The following TJP1 variants were observed in gnomAD, a reference collection of about 807,000 sequenced individuals.
TJP1 encodes the protein tight junction protein 1, also known as tight junction protein ZO-1.
In TJP1, 43 loss-of-function variants were observed where a neutral mutation model predicts 194.2. The ratio of observed to expected loss-of-function variants is 0.22; its 90% CI spans 0.17 to 0.29. TJP1 has a LOEUF of 0.29. TJP1 is among the 10% of genes least tolerant of loss of function. The pLI is 1.00. For synonymous variants in TJP1, 801 were observed against 779.0 expected (o/e 1.03, Z -0.47); for missense variants, 1,971 against 2,185.7 (o/e 0.90, Z 1.96).
chr15:29,908,274 G>A (rs1276777701), intron 2 of TJP1, among the ~76,000 whole-genome samples: 1 of 152,056 alleles, frequency 6.6e-6, no homozygotes, highest in African/African-American at 2.4e-5. Context: ...ATAAAGAGAA[G>A]AGCCTAAAAG....
intron 2 of TJP1, among the ~76,000 whole-genome samples, chr15:29,929,011 G>T (rs2054617680): frequency 6.6e-6 from 1 of 151,840 alleles, no homozygotes; most frequent in Admixed American, 6.6e-5. Flanking sequence ...GAGAGAAGCT[G>T]AATAACAACC....
In TJP1 at chr15:29,819,404, A is replaced by C. The variant is rs150418776; in HGVS notation, c.27+2598T>G. ...ATTTCTTCACCAAAAAGTAGAGATA[A>C]TAGTTCACTTCATAGGGTTACTGTG... On this transcript the variant is annotated intron_variant, in intron 1 of 27. Coordinates refer to ENST00000614355, the MANE Select transcript of TJP1 (RefSeq NM_001330239.4). Among the ~76,000 whole-genome samples, 230 of 152,332 alleles carry C rather than the reference A, an allele frequency of 1.5e-3. 1 individual carries two copies. The highest frequency in any genetic ancestry group is 5.4e-3 in the African/African-American group (226 of 41,576).
At chr15:29,812,470 T>G (rs559611330) in intron 1 of TJP1, among the ~76,000 whole-genome samples, 120 of 152,318 alleles carry the variant, frequency 7.9e-4, no homozygotes, top group Middle Eastern at 3.4e-3. Context: ...AACAATCAGC[T>G]GGGGCTGAGC....
chr15:29,915,641 C>T lies in TJP1; in HGVS notation c.306+40591G>A, dbSNP rs116759847. Among the ~76,000 whole-genome samples, 1,166 of 152,268 alleles carry T rather than the reference C, an allele frequency of 7.7e-3. 15 individuals carry two copies. The highest frequency in any genetic ancestry group is 0.027 in the African/African-American group (1,107 of 41,546). On this transcript the variant is annotated intron_variant, in intron 2 of 28. Transcript: ENST00000356107. The stretch of plus-strand genomic sequence containing the variant: ...GTTTGCCCAGTAAGATTTCATACAA[C>T]CTAGAAAAGAATTTAGAGCCTGAAT...
In TJP1 at chr15:29,773,239, T is replaced by C; in HGVS notation, c.203A>G (p.Gln68Arg). 1 of 1,613,938 alleles carries C rather than the reference T, an allele frequency of 6.2e-7. No individual in the cohort carries two copies. Among genetic ancestry groups the C allele is most frequent in the Non-Finnish European group, 8.5e-7 (1 of 1,179,832 alleles). The change falls in exon 3 of 28, where the codon CAG becomes CGG. Residue 68 changes from glutamine (Q) to arginine (R), a missense_variant. Coordinates refer to ENST00000614355, the MANE Select transcript of TJP1 (RefSeq NM_001330239.4). ...CGATAAGCAGCACTCTTACTGTAGC[T>C]GTCCTTCAGCTGGTCCTCCTTTCAG... ...DVLKGGPAEG[Q>R]LQENDRVAMV...
At chr15:29,736,245 G>A (rs573208114) in intron 11 of TJP1, among the ~76,000 whole-genome samples, 1 of 152,314 alleles carries the variant, frequency 6.6e-6, no homozygotes, top group Admixed American at 6.5e-5. Context: ...CACAATGATT[G>A]AAAAGAAAAC....
At chr15:29,856,234 C>A (rs1283093595) in intron 2 of TJP1, among the ~76,000 whole-genome samples, 1 of 152,060 alleles carries the variant, frequency 6.6e-6, no homozygotes, top group Non-Finnish European at 1.5e-5. Flanking sequence ...CATAGTGAGA[C>A]CCTGTCACTT....
chr15:29,968,000 T>G (rs2056388436), intron 1 of TJP1: 1 of 939,794 alleles, frequency 1.1e-6, no homozygotes, highest in South Asian at 4.9e-5. Flanking sequence ...GGATTACGGA[T>G]TATTATTAAT....
chr15:29,949,754 T>A (rs1421227706), intron 2 of TJP1, among the ~76,000 whole-genome samples: 4 of 63,556 alleles, frequency 6.3e-5, no homozygotes, highest in African/African-American at 2.2e-4. Context: ...CACCTCCACT[T>A]TCACCACCAC....
At chr15:29,958,857 T>C (rs901484256) in intron 1 of TJP1, among the ~76,000 whole-genome samples, 1 of 152,356 alleles carries the variant, frequency 6.6e-6, no homozygotes, top group Non-Finnish European at 1.5e-5. Context: ...GTTCATACTT[T>C]TGATCTCTTT....
intron 25 of TJP1, among the ~76,000 whole-genome samples, chr15:29,707,403 G>A (rs145490092): frequency 6.6e-6 from 1 of 152,270 alleles, no homozygotes; most frequent in African/African-American, 2.4e-5. Context: ...AACATCAAGG[G>A]AGCAGAGCGC....
chr15:29,788,502 G>T (rs1206322911), intron 2 of TJP1, among the ~76,000 whole-genome samples: 1 of 152,080 alleles, frequency 6.6e-6, no homozygotes, highest in East Asian at 1.9e-4. Flanking sequence ...TGAGGTAGGG[G>T]TCCAAATTCA....
chr15:29,708,690 A>T lies in TJP1; in HGVS notation c.4719T>A (p.Thr1573=). ...LSSKTPTSPK[T]LVKSHSLAQP... ...GTGCCAAACTGTGCGATTTCACAAG[A>T]GTTTTTGGAGAAGTGGGAGTTTTTG... The change falls in exon 25 of 28, where the codon ACT becomes ACA. Residue 1573 remains threonine (T), a synonymous_variant. Coordinates refer to ENST00000614355, the MANE Select transcript of TJP1 (RefSeq NM_001330239.4). The T allele has an allele frequency of 6.2e-7, 1 of 1,614,232 alleles. No individual in the cohort carries two copies. Among genetic ancestry groups the T allele is most frequent in the Non-Finnish European group, 8.5e-7 (1 of 1,180,040 alleles).
At position 29,888,693 on chromosome 15, in the gene TJP1, G is replaced by A. The variant is rs557622693; in HGVS notation, c.306+67539C>T. ...CTTTATTGTTTCTACTTCCAGCAGC[G>A]TACATCCTGAACCTACATTCTCTCC... On this transcript the variant is annotated intron_variant, in intron 2 of 28. Transcript: ENST00000356107. Among the ~76,000 whole-genome samples the A allele has an allele frequency of 5.9e-5, 9 of 152,254 alleles. 1 individual carries two copies. Among genetic ancestry groups the A allele is most frequent in the African/African-American group, 2.2e-4 (9 of 41,534 alleles).
At chr15:29,789,218 C>CA (rs1379023297) in intron 2 of TJP1, among the ~76,000 whole-genome samples, 1 of 151,988 alleles carries the variant, frequency 6.6e-6, no homozygotes, top group Admixed American at 6.6e-5. Flanking sequence ...GTAGACCTCC[C>CA]AAGAGTGACT....
chr15:29,966,136 T>C (rs1481753142), intron 1 of TJP1, among the ~76,000 whole-genome samples: 1 of 152,186 alleles, frequency 6.6e-6, no homozygotes, highest in Non-Finnish European at 1.5e-5. Context: ...ATAAATATAG[T>C]TTCCTAACTT....
intron 2 of TJP1, among the ~76,000 whole-genome samples, chr15:29,798,490 T>G (rs888174728): frequency 6.6e-6 from 1 of 152,138 alleles, no homozygotes; most frequent in Non-Finnish European, 1.5e-5. Flanking sequence ...TCGAAAAGTT[T>G]TGAATTTTGC....
intron 2 of TJP1, among the ~76,000 whole-genome samples, chr15:29,776,745 T>C (rs1393037415): frequency 6.6e-6 from 1 of 152,190 alleles, no homozygotes; most frequent in Non-Finnish European, 1.5e-5. Flanking sequence ...ACACAGTGTA[T>C]TTTAAAATCA....
intron 15 of TJP1, among the ~76,000 whole-genome samples, chr15:29,731,836 A>T (rs767632023): frequency 3.9e-4 from 60 of 152,106 alleles, no homozygotes; most frequent in Non-Finnish European, 8.1e-4. Context: ...TAAAACAAGG[A>T]TCTGTAAGCA....
Sources: allele counts gnomAD v4.1 joint callset (sites outside exome capture counted in the v4.1 genomes callset), GRCh38; gene constraint gnomAD v4.1.1; transcripts MANE v1.5; gene names NCBI Gene and HGNC (gene_info 2026-07-23, HGNC 2026-07-21).